POU2F2: variants seen among roughly 807,000 people sequenced by gnomAD.
The protein encoded by POU2F2 is POU class 2 homeobox 2.
Under a neutral mutation model 63.5 loss-of-function variants are expected in POU2F2, and 14 were observed. The ratio of observed to expected loss-of-function variants is 0.22; its 90% CI spans 0.15 to 0.34. The LOEUF is 0.34. Among genes scored for constraint, POU2F2 ranks in the 10% least tolerant of loss-of-function variants. POU2F2 has a pLI of 1.00. For missense variants in POU2F2, 607 were observed against 815.2 expected (o/e 0.74, Z 3.11); for synonymous variants, 306 against 348.6 (o/e 0.88, Z 1.36).
intron 2 of POU2F2, among the ~76,000 whole-genome samples, chr19:42,151,776 A>C (rs1386043706): frequency 6.6e-6 from 1 of 152,180 alleles, no homozygotes; most frequent in Non-Finnish European, 1.5e-5. Flanking sequence ...TGGTGGGGGC[A>C]GATGGTAGAA....
At chr19:42,135,636 G>C (rs1281093593), upstream of POU2F2, among the ~76,000 whole-genome samples, 1 of 151,258 alleles carries the variant, frequency 6.6e-6, no homozygotes, top group Non-Finnish European at 1.5e-5. Flanking sequence ...CTGGCTTCTA[G>C]GCTCAAGCCT....
In POU2F2 at chr19:42,089,499, C is replaced by T. The variant is rs2076647197; in HGVS notation, c.*1758G>A. 1.3e-5 allele frequency: 2 copies of T among 152,282 alleles called. No individual in the cohort carries two copies. Among genetic ancestry groups the T allele is most frequent in the South Asian group, 2.1e-4 (1 of 4,816 alleles). The allele number at this position is 152,282 out of a possible 1,614,324, so 9.4% of individuals were successfully genotyped here. ...ACCCTCTCTCAGCCCCGCCCACCCG[C>T]TTCCATCTGCCCTGGCCGAGGGACA... On this transcript the variant is annotated 3_prime_UTR_variant, in exon 15 of 15. Coordinates refer to ENST00000692977, the MANE Select transcript of POU2F2 (RefSeq NM_001394376.1).
intron 1 of POU2F2, among the ~76,000 whole-genome samples, chr19:42,129,975 T>C (rs2033557637): frequency 6.6e-6 from 1 of 152,142 alleles, no homozygotes; most frequent in Non-Finnish European, 1.5e-5. Context: ...GACAGGAATG[T>C]GAACAGGTTT....
intron 5 of POU2F2, among the ~76,000 whole-genome samples, chr19:42,106,567 T>C (rs1294905225): frequency 6.6e-6 from 1 of 152,158 alleles, no homozygotes. Flanking sequence ...AACCTCAGCA[T>C]CCATGCAATA....
rs568518814 is a variant in POU2F2 at position 42,169,823 on chromosome 19, C to T, written c.-70+6140G>A. ...TGTACCTGTGTGTCTTTCTTCCCCT[C>T]GCTGCTGCGCCTTCCCAGTCTGGAT... is the stretch of plus-strand genomic sequence containing the variant. On this transcript the variant is annotated intron_variant, in intron 1 of 6. Transcript: ENST00000524801. The surrounding 1 kb of genome is among the most constrained non-coding windows in gnomAD (Gnocchi z 4.3). Among the ~76,000 whole-genome samples, 161 of 152,130 alleles carry T rather than the reference C, an allele frequency of 1.1e-3. 1 individual carries two copies. Among genetic ancestry groups the T allele is most frequent in the African/African-American group, 3.8e-3 (156 of 41,486 alleles).
intron 1 of POU2F2, among the ~76,000 whole-genome samples, chr19:42,188,349 G>A (rs1457068522): frequency 6.7e-6 from 1 of 150,174 alleles, no homozygotes; most frequent in Admixed American, 6.6e-5. Context: ...CTGGGTGACA[G>A]AGTGAGACCT....
chr19:42,091,109 T>TTTGG lies in POU2F2; in HGVS notation c.*144_*147dup. On this transcript the variant is annotated 3_prime_UTR_variant, in exon 15 of 15. Transcript: ENST00000692977. The stretch of plus-strand genomic sequence containing the variant: ...AGTTTCTTTCCTTTTTTTTTTTTTT[T>TTTGG]TTGGTTGGTTGTTTTTTTGGTCTTT... 1.7e-6 allele frequency: 1 copy of TTTGG among 589,150 alleles called. No homozygotes were observed. The highest frequency in any genetic ancestry group is 2.6e-6 in the Non-Finnish European group (1 of 385,782). The allele number at this position is 589,150 out of a possible 1,614,324, so 36.5% of individuals were successfully genotyped here.
At chr19:42,151,951 G>A (rs1236716130) in intron 2 of POU2F2, among the ~76,000 whole-genome samples, 3 of 152,232 alleles carry the variant, frequency 2.0e-5, no homozygotes, top group Non-Finnish European at 4.4e-5. Flanking sequence ...CCGTCAGAAA[G>A]GGCAGGAAAC....
intron 5 of POU2F2, chr19:42,110,747 C>T (rs1303327522): frequency 2.2e-6 from 1 of 456,094 alleles, no homozygotes; most frequent in African/African-American, 2.0e-5. Flanking sequence ...ATAAGTCTTA[C>T]TTCATGGAGC....
chr19:42,196,895 G>A (rs1272130546), upstream of POU2F2, among the ~76,000 whole-genome samples: 8 of 152,250 alleles, frequency 5.3e-5, 1 homozygote. Context: ...GCACGTCTGG[G>A]GCTGAACAGG....
chr19:42,117,269 G>A lies in POU2F2; in HGVS notation c.350C>T (p.Thr117Met), dbSNP rs150784596. ...ACTTACCCCAGCTAGCTGGCTGCCC[G>A]TCAACATGAGTTGGGCCTGGGGCAG... ...PHLPQAQLMLTGSQLAGDIQQ... is the reference protein window; with the variant it reads ...PHLPQAQLMLMGSQLAGDIQQ... Residue 117 changes from threonine to methionine, a missense_variant, in exon 5 of 15, where the codon ACG becomes ATG. Coordinates refer to ENST00000692977, the MANE Select transcript of POU2F2 (RefSeq NM_001394376.1). The surrounding 1 kb of genome is among the most constrained non-coding windows in gnomAD (Gnocchi z 4.4). 473 of 1,485,166 alleles carry A rather than the reference G, an allele frequency of 3.2e-4. No homozygotes were observed. The highest frequency in any genetic ancestry group is 4.0e-4 in the Non-Finnish European group (447 of 1,123,704). 92.0% of individuals were successfully genotyped at this position (1,485,166 alleles called of 1,614,324 possible). A position where few individuals can be genotyped will look rare whatever the true frequency, so the allele number is the denominator to read the frequency against.
chr19:42,170,724 T>C (rs763139075), intron 1 of POU2F2, among the ~76,000 whole-genome samples: 39 of 152,184 alleles, frequency 2.6e-4, no homozygotes, highest in Non-Finnish European at 4.6e-4. Flanking sequence ...CATGCACACA[T>C]ACAAAGACCC....
chr19:42,122,177 G>C lies in POU2F2; in HGVS notation c.135C>G (p.Pro45=). 1.2e-6 allele frequency: 2 copies of C among 1,612,998 alleles called. No homozygotes were observed. The highest frequency in any genetic ancestry group is 1.3e-5 in the African/African-American group (1 of 74,994). ...RNGPDTNHQN[P]QNKTSPFSVS... ...CGGAGAATGGGGAGGTCTTATTTTG[G>C]GGGTTCTGCAAAGAGAAAGTAGGAG... The change falls in exon 4 of 15, where the codon CCC becomes CCG. Residue 45 remains proline, a synonymous_variant. Coordinates refer to ENST00000692977, the MANE Select transcript of POU2F2 (RefSeq NM_001394376.1).
chr19:42,095,674 T>G lies in POU2F2; in HGVS notation c.891A>C (p.Ser297=). The G allele has an allele frequency of 1.2e-6, 2 of 1,612,060 alleles. No individual in the cohort carries two copies. Among genetic ancestry groups the G allele is most frequent in the Non-Finnish European group, 8.5e-7 (1 of 1,179,808 alleles). ...LNDAETMSVD[S]SLPSPNQLSS... is the part of the protein sequence containing the mutation. ...TCAGCTGGTTGGGGCTGGGCAGGCT[T>G]GAGTCCACAGACATAGTCTCTGTGC... Residue 297 remains serine, a synonymous_variant, in exon 10 of 15, where the codon TCA becomes TCC. Coordinates refer to ENST00000692977, the MANE Select transcript of POU2F2 (RefSeq NM_001394376.1). The surrounding 1 kb of genome is among the most constrained non-coding windows in gnomAD (Gnocchi z 7.1).
chr19:42,104,263 G>C (rs891544453), intron 5 of POU2F2, among the ~76,000 whole-genome samples: 2 of 152,074 alleles, frequency 1.3e-5, no homozygotes, highest in Non-Finnish European at 2.9e-5. Flanking sequence ...TGTACATGCT[G>C]GTGAGAGGGT....
At chr19:42,135,262 C>A (rs1207626977), upstream of POU2F2, among the ~76,000 whole-genome samples, 1 of 152,106 alleles carries the variant, frequency 6.6e-6, no homozygotes, top group Admixed American at 6.5e-5. Flanking sequence ...AGGCCATACT[C>A]TGAGTCCATG....
rs2146261808 is a variant in POU2F2 at position 42,089,684 on chromosome 19, T to A, written c.*1573A>T. 6.6e-6 allele frequency: 1 copy of A among 150,428 alleles called. No homozygotes were observed. Among genetic ancestry groups the A allele is most frequent in the South Asian group, 2.1e-4 (1 of 4,776 alleles). 9.3% of individuals were successfully genotyped at this position (150,428 alleles called of 1,614,324 possible). A position where few individuals can be genotyped will look rare whatever the true frequency, so the allele number is the denominator to read the frequency against. ...CCGCCTCGCGGTTCCATCTTATTCT[T>A]GAAGAGTCCTCATCTTCTTTCCCTT... On this transcript the variant is annotated 3_prime_UTR_variant, in exon 15 of 15. Transcript: ENST00000692977.
At chr19:42,172,729 T>C (rs1411998368) in intron 1 of POU2F2, among the ~76,000 whole-genome samples, 1 of 152,192 alleles carries the variant, frequency 6.6e-6, no homozygotes, top group Non-Finnish European at 1.5e-5. Flanking sequence ...CATGCTCATT[T>C]GCTGGCTCTC....
chr19:42,142,880 A>T (rs1231416844), intron 2 of POU2F2, among the ~76,000 whole-genome samples: 1 of 152,156 alleles, frequency 6.6e-6, no homozygotes, highest in Non-Finnish European at 1.5e-5. Context: ...CATTTTTTTA[A>T]TTAAAATTAG....
Sources: gnomAD v4.1 joint callset for allele counts (sites outside exome capture counted in the v4.1 genomes callset) on GRCh38, gnomAD v4.1.1 for gene constraint, Gnocchi (gnomAD v3.1) non-coding constraint, MANE v1.5 for transcripts, NCBI Gene and HGNC (gene_info 2026-07-23, HGNC 2026-07-21) for gene names.